Variants in MBP observed in about 807,000 individuals in gnomAD.
MBP encodes myelin basic protein, also known as Golli-MBP.
MBP carries 16 observed loss-of-function variants against 35.8 expected under a neutral mutation model. The observed-to-expected ratio is 0.45, with a 90% CI of 0.30 to 0.68. The LOEUF (loss-of-function observed/expected upper bound fraction) is 0.68, where lower values mean the gene tolerates loss of function less well. Among genes scored for constraint, MBP ranks in the 30% least tolerant of loss-of-function variants. The probability of loss-of-function intolerance (pLI) is 0.08; values close to 1 mark genes in which losing one functional copy is unlikely to be tolerated. For missense variants in MBP, 380 were observed against 404.7 expected (o/e 0.94, Z 0.52); for synonymous variants, 143 against 159.6 (o/e 0.90, Z 0.78).
intron 3 of MBP, among the ~76,000 whole-genome samples, chr18:77,055,911 T>G (rs1038207268): frequency 1.3e-5 from 2 of 152,212 alleles, no homozygotes; most frequent in African/African-American, 4.8e-5. Context: ...AATTAAGGTT[T>G]TAGAGCAGCT....
intron 3 of MBP, among the ~76,000 whole-genome samples, chr18:77,062,947 T>C (rs912680196): frequency 6.6e-6 from 1 of 152,168 alleles, no homozygotes; most frequent in Non-Finnish European, 1.5e-5. Flanking sequence ...CGCTCATTCT[T>C]CTGATGCGTG....
chr18:77,013,699 C>A lies in MBP; in HGVS notation c.576+3133G>T, dbSNP rs770512707. 7 of 985,392 alleles carry A rather than the reference C, an allele frequency of 7.1e-6. No homozygotes were observed. The Middle Eastern group carries it at 1.6e-3, about 221-fold the overall frequency. 61.0% of individuals were successfully genotyped at this position (985,392 alleles called of 1,614,324 possible). On this transcript the variant is annotated intron_variant, in intron 4 of 8. Transcript: ENST00000355994. The stretch of plus-strand genomic sequence containing the variant: ...CATAAAACAGAAAAATAGACAAAAT[C>A]ATCGGTAAGAAGCTAGCTTTCGAAA...
intron 4 of MBP, chr18:77,016,524 G>T (rs1347629974): frequency 1.3e-5 from 16 of 1,231,252 alleles, no homozygotes; most frequent in East Asian, 3.8e-5. Context: ...TGAGAATGTG[G>T]CTCTCTTTCT....
At chr18:77,014,022 A>G (rs978063080) in intron 4 of MBP, 5 of 985,444 alleles carry the variant, frequency 5.1e-6, no homozygotes, top group Non-Finnish European at 6.0e-6. Context: ...GTGCTCACCC[A>G]TTCCTCATGT....
chr18:77,068,575 C>A (rs1376181532), intron 2 of MBP, among the ~76,000 whole-genome samples: 1 of 152,166 alleles, frequency 6.6e-6, no homozygotes, highest in Non-Finnish European at 1.5e-5. Flanking sequence ...TTGCCTGATT[C>A]TAGAATGACA....
chr18:76,999,487 A>T (rs1430986121), intron 4 of MBP, among the ~76,000 whole-genome samples: 3 of 148,830 alleles, frequency 2.0e-5, no homozygotes, highest in Non-Finnish European at 4.5e-5. Flanking sequence ...AGACAGTCTC[A>T]CTCTGTTGTC....
At position 77,028,770 on chromosome 18, in the gene MBP, C is replaced by T. The variant is rs1385851901; in HGVS notation, c.140-11502G>A. ...GGGGCTGATCCCCCCACCTCCCTCC[C>T]GGACGGGGTGGCTGCTGGGCGGAGG... On this transcript the variant is annotated intron_variant, in intron 3 of 8. Coordinates refer to ENST00000355994, the MANE Select transcript of MBP (RefSeq NM_001025101.2). 3.8e-4 allele frequency among the ~76,000 whole-genome samples: 39 copies of T among 102,448 alleles called. 3 individuals carry two copies. Among genetic ancestry groups the T allele is most frequent in the African/African-American group, 8.7e-4 (32 of 36,740 alleles). 67.2% of individuals were successfully genotyped at this position (102,448 alleles called of 152,430 possible).
At chr18:77,075,394 T>A (rs1400987562) in intron 2 of MBP, among the ~76,000 whole-genome samples, 1 of 152,202 alleles carries the variant, frequency 6.6e-6, no homozygotes, top group East Asian at 1.9e-4. Context: ...TAGCCATCCA[T>A]CAAAACGCCC....
chr18:77,111,818 C>A (rs552816974), intron 1 of MBP, among the ~76,000 whole-genome samples: 1 of 152,292 alleles, frequency 6.6e-6, no homozygotes, highest in African/African-American at 2.4e-5. Context: ...GGGGCAGGCC[C>A]TATAACTCTG....
At chr18:77,061,922 T>G (rs943236224) in intron 3 of MBP, among the ~76,000 whole-genome samples, 1 of 152,262 alleles carries the variant, frequency 6.6e-6, no homozygotes, top group Non-Finnish European at 1.5e-5. Flanking sequence ...TGACTCTTCA[T>G]GGGGGTTTGC....
intron 3 of MBP, among the ~76,000 whole-genome samples, chr18:77,051,575 C>A (rs1424756522): frequency 6.6e-6 from 1 of 152,192 alleles, no homozygotes; most frequent in Non-Finnish European, 1.5e-5. Flanking sequence ...CAGTGCAGAA[C>A]TGGGGCTGAA....
chr18:77,056,130 AC>A (rs1335129879), intron 3 of MBP, among the ~76,000 whole-genome samples: 1 of 149,602 alleles, frequency 6.7e-6, no homozygotes, highest in Non-Finnish European at 1.5e-5. Flanking sequence ...GTTATCCGTG[AC>A]CCCGTGCGCC....
chr18:76,979,886 G>A lies in MBP; in HGVS notation c.*541C>T, dbSNP rs200013001. On this transcript the variant is annotated 3_prime_UTR_variant, in exon 9 of 9. Coordinates refer to ENST00000355994, the MANE Select transcript of MBP (RefSeq NM_001025101.2). ...TGTCACATACCAAAAGCTCCCACAT[G>A]TAGTAAGCCACTCCTTGACTGTCTA... 8.9e-5 allele frequency: 62 copies of A among 695,118 alleles called. No homozygotes were observed. The East Asian group carries it at 1.1e-3, about 13-fold the overall frequency. 43.1% of individuals were successfully genotyped at this position (695,118 alleles called of 1,614,324 possible). A position where few individuals can be genotyped will look rare whatever the true frequency, so the allele number is the denominator to read the frequency against.
At chr18:77,025,222 G>C (rs995894589) in intron 3 of MBP, among the ~76,000 whole-genome samples, 2 of 152,210 alleles carry the variant, frequency 1.3e-5, no homozygotes, top group African/African-American at 4.8e-5. Flanking sequence ...CCAGCCCAAA[G>C]TGGCTTTCAC....
chr18:77,014,834 G>A, intron 4 of MBP: 1 of 985,322 alleles, frequency 1.0e-6, no homozygotes, highest in Non-Finnish European at 1.2e-6. Context: ...GCATCAAAGG[G>A]CAAGCCTGTT....
chr18:77,046,797 G>A (rs144641522), intron 3 of MBP, among the ~76,000 whole-genome samples: 29 of 152,358 alleles, frequency 1.9e-4, no homozygotes, highest in African/African-American at 4.1e-4. Context: ...TCTGGAAGAC[G>A]GGAGGGAAAG....
At chr18:77,081,272 G>A (rs1404696626) in intron 2 of MBP, among the ~76,000 whole-genome samples, 2 of 152,084 alleles carry the variant, frequency 1.3e-5, no homozygotes, top group Non-Finnish European at 2.9e-5. Flanking sequence ...CAGACAACCC[G>A]GAGAAGTGGT....
Position 77,085,374 on chromosome 18 carries a change from T to C in MBP, c.52-18989A>G, listed in dbSNP as rs140672556. 3.1e-3 allele frequency among the ~76,000 whole-genome samples: 474 copies of C among 152,342 alleles called. 4 individuals carry two copies. The highest frequency in any genetic ancestry group is 0.01 in the African/African-American group (431 of 41,570). ...GAAAAAGGATGTACCCTTCTCTGAA[T>C]GTGTAGCTTGGCCCTGCCAATCTTC... On this transcript the variant is annotated intron_variant, in intron 2 of 8. Coordinates refer to ENST00000355994, the MANE Select transcript of MBP (RefSeq NM_001025101.2).
intron 4 of MBP, chr18:77,015,376 G>A (rs753991881): frequency 4.0e-5 from 39 of 985,264 alleles, no homozygotes; most frequent in Non-Finnish European, 4.7e-5. Context: ...TGGGCAACCC[G>A]AATCCATACA....
Sources: gnomAD v4.1 joint callset for allele counts (sites outside exome capture counted in the v4.1 genomes callset) on GRCh38, gnomAD v4.1.1 for gene constraint, MANE v1.5 for transcripts, NCBI Gene and HGNC (gene_info 2026-07-23, HGNC 2026-07-21) for gene names.